The following CDH4 variants were observed in gnomAD, a reference collection of about 807,000 sequenced individuals.
CDH4 encodes the protein cadherin-4.
In CDH4, 33 loss-of-function variants were observed where a neutral mutation model predicts 86.0. The observed-to-expected ratio is 0.38, with a 90% CI of 0.29 to 0.51. The LOEUF (loss-of-function observed/expected upper bound fraction) is 0.51, where lower values mean the gene tolerates loss of function less well. Among genes scored for constraint, CDH4 ranks in the 20% least tolerant of loss-of-function variants. The probability of loss-of-function intolerance (pLI) is 0.86; values close to 1 mark genes in which losing one functional copy is unlikely to be tolerated. For synonymous variants in CDH4, 555 were observed against 549.4 expected (o/e 1.01, Z -0.14); for missense variants, 1,114 against 1,307.4 (o/e 0.85, Z 2.28).
intron 2 of CDH4, among the ~76,000 whole-genome samples, chr20:61,266,999 C>T (rs989880172): frequency 1.2e-4 from 18 of 152,086 alleles, no homozygotes; most frequent in African/African-American, 4.1e-4. Flanking sequence ...GGGGAGGCCC[C>T]GTGAAGTCAC....
intron 2 of CDH4, among the ~76,000 whole-genome samples, chr20:61,491,412 G>A (rs1005079069): frequency 2.6e-5 from 4 of 152,158 alleles, no homozygotes; most frequent in African/African-American, 9.7e-5. Flanking sequence ...TGTATGACTC[G>A]TGATGCTGGT....
At chr20:61,437,619 G>A (rs1413037369) in intron 2 of CDH4, 6 of 152,184 alleles carry the variant, frequency 3.9e-5, no homozygotes, top group Non-Finnish European at 8.8e-5. Context: ...CAAATGGATC[G>A]TCAGTGTGTT....
intron 3 of CDH4, among the ~76,000 whole-genome samples, chr20:61,744,862 G>A (rs912225691): frequency 7.9e-5 from 12 of 152,324 alleles, no homozygotes; most frequent in Non-Finnish European, 1.6e-4. Flanking sequence ...GGTCCCCTTC[G>A]CCTTGAGTGT....
chr20:61,260,550 G>T (rs2084122720), intron 2 of CDH4, among the ~76,000 whole-genome samples: 2 of 152,204 alleles, frequency 1.3e-5, no homozygotes, highest in African/African-American at 4.8e-5. Context: ...AGAATTATGT[G>T]AAGGCTGGGT....
At chr20:61,925,012 G>A (rs917600702) in intron 11 of CDH4, among the ~76,000 whole-genome samples, 1 of 152,112 alleles carries the variant, frequency 6.6e-6, no homozygotes, top group Non-Finnish European at 1.5e-5. Context: ...GACCACCCAC[G>A]GCACAGACCC....
chr20:61,762,549 C>A (rs941213371), intron 3 of CDH4, among the ~76,000 whole-genome samples: 1 of 152,224 alleles, frequency 6.6e-6, no homozygotes, highest in Admixed American at 6.5e-5. Flanking sequence ...TGCAAATATT[C>A]TTCTCTTCCT....
At chr20:61,659,720 T>C (rs2087232147) in intron 2 of CDH4, among the ~76,000 whole-genome samples, 1 of 150,370 alleles carries the variant, frequency 6.7e-6, no homozygotes, top group Non-Finnish European at 1.5e-5. Flanking sequence ...ATCCGAGGCT[T>C]GGAGGCAGGA....
chr20:61,600,474 C>G (rs2086591571), intron 2 of CDH4, among the ~76,000 whole-genome samples: 2 of 152,232 alleles, frequency 1.3e-5, no homozygotes, highest in Admixed American at 1.3e-4. Flanking sequence ...TGAGCCATCT[C>G]TGCAACGGGA....
At chr20:61,656,921 G>C (rs376162755) in intron 2 of CDH4, among the ~76,000 whole-genome samples, 1 of 152,136 alleles carries the variant, frequency 6.6e-6, no homozygotes, top group East Asian at 1.9e-4. Context: ...AACCATCAGC[G>C]CTCCATGTTG....
chr20:61,833,549 T>C (rs1568840136), intron 4 of CDH4, among the ~76,000 whole-genome samples: 1 of 152,176 alleles, frequency 6.6e-6, no homozygotes. Flanking sequence ...CCCAGATTTA[T>C]TCACAAACAT....
chr20:61,926,422 A>G (rs974507277), intron 11 of CDH4, among the ~76,000 whole-genome samples: 1 of 152,180 alleles, frequency 6.6e-6, no homozygotes, highest in East Asian at 1.9e-4. Flanking sequence ...AGCCTCCCCC[A>G]GCCAGCGCTG....
intron 2 of CDH4, among the ~76,000 whole-genome samples, chr20:61,569,247 C>T (rs917626820): frequency 6.6e-6 from 1 of 152,238 alleles, no homozygotes; most frequent in African/African-American, 2.4e-5. Context: ...GTTTCCAGAA[C>T]ACTGCACTGC....
At chr20:61,785,359 G>C (rs1467945365) in intron 4 of CDH4, among the ~76,000 whole-genome samples, 1 of 152,156 alleles carries the variant, frequency 6.6e-6, no homozygotes, top group Non-Finnish European at 1.5e-5. Context: ...TCTTGCCCCT[G>C]TCTGTGTCCC....
chr20:61,808,342 A>G (rs373769153), intron 4 of CDH4, among the ~76,000 whole-genome samples: 1 of 148,704 alleles, frequency 6.7e-6, no homozygotes, highest in African/African-American at 2.5e-5. Flanking sequence ...CCAGCTGCAA[A>G]AATAAATAAA....
intron 2 of CDH4, among the ~76,000 whole-genome samples, chr20:61,366,708 G>A (rs2084812331): frequency 6.6e-6 from 1 of 152,240 alleles, no homozygotes; most frequent in Admixed American, 6.5e-5. Flanking sequence ...ATGCCTTCAA[G>A]TGGTTTTCCG....
chr20:61,936,766 G>A lies in CDH4; in HGVS notation c.2574G>A (p.Thr858=), dbSNP rs768466529. ...EGLRAADNDP[T]APPYDSLLVF... The stretch of plus-strand genomic sequence containing the variant: ...TCCGCGCTGCTGACAACGACCCCAC[G>A]GCACCCCCCTATGACTCCCTGCTGG... The change falls in exon 16 of 16, where the codon ACG becomes ACA. Residue 858 remains threonine, a synonymous_variant. Transcript: ENST00000614565. 2.7e-5 allele frequency: 43 copies of A among 1,605,986 alleles called. No homozygotes were observed. The highest frequency in any genetic ancestry group is 8.9e-5 in the South Asian group (8 of 90,044).
intron 2 of CDH4, among the ~76,000 whole-genome samples, chr20:61,409,253 A>G (rs983669612): frequency 6.6e-6 from 1 of 152,180 alleles, no homozygotes; most frequent in Admixed American, 6.5e-5. Context: ...AGAGCCATCA[A>G]ATAAACCTCA....
chr20:61,843,150 C>T (rs1461387943), intron 4 of CDH4, among the ~76,000 whole-genome samples: 1 of 151,370 alleles, frequency 6.6e-6, no homozygotes, highest in South Asian at 2.1e-4. Context: ...GTGGGAGGAT[C>T]GCTTAAAGCC....
intron 2 of CDH4, among the ~76,000 whole-genome samples, chr20:61,496,095 C>T (rs188423907): frequency 1.3e-5 from 2 of 151,648 alleles, no homozygotes; most frequent in Admixed American, 6.6e-5. Context: ...CATCTATATA[C>T]CCACTGTCTA....
Sources: gnomAD v4.1 joint callset for allele counts (sites outside exome capture counted in the v4.1 genomes callset) on GRCh38, gnomAD v4.1.1 for gene constraint, MANE v1.5 for transcripts, NCBI Gene and HGNC (gene_info 2026-07-23, HGNC 2026-07-21) for gene names.